Variants in SSBP3 observed in about 807,000 individuals in gnomAD.
The protein encoded by SSBP3 is single-stranded DNA-binding protein 3.
A neutral mutation model predicts 69.6 loss-of-function variants in SSBP3; 5 were observed. That is an observed-to-expected ratio of 0.07 (90% CI 0.04 to 0.15). The LOEUF is 0.15. SSBP3 is among the 10% of genes least tolerant of loss of function. SSBP3 has a pLI of 1.00. For synonymous variants in SSBP3, 196 were observed against 193.4 expected (o/e 1.01, Z -0.11); for missense variants, 312 against 534.0 (o/e 0.58, Z 4.10).
intron 4 of SSBP3, among the ~76,000 whole-genome samples, chr1:54,376,870 G>A (rs904425337): frequency 6.6e-6 from 1 of 152,198 alleles, no homozygotes; most frequent in Non-Finnish European, 1.5e-5. Flanking sequence ...GCCTAGGGGT[G>A]TGGCTACCAT....
At chr1:54,229,693 T>C (rs1319214494) in intron 14 of SSBP3, among the ~76,000 whole-genome samples, 1 of 152,132 alleles carries the variant, frequency 6.6e-6, no homozygotes, top group Non-Finnish European at 1.5e-5. Flanking sequence ...GAGGGGCGGC[T>C]GAGCCCAGCC....
At chr1:54,246,050 T>G (rs1644729064) in intron 9 of SSBP3, among the ~76,000 whole-genome samples, 1 of 152,130 alleles carries the variant, frequency 6.6e-6, no homozygotes. Flanking sequence ...GGCTCTGGCT[T>G]TAGACCCACA....
chr1:54,320,278 C>T (rs1157781462), intron 4 of SSBP3, among the ~76,000 whole-genome samples: 1 of 152,166 alleles, frequency 6.6e-6, no homozygotes, highest in Non-Finnish European at 1.5e-5. Context: ...CATCTGGCTT[C>T]AAAGAAGCCA....
chr1:54,270,118 T>C (rs1352047863), intron 5 of SSBP3, among the ~76,000 whole-genome samples: 1 of 152,188 alleles, frequency 6.6e-6, no homozygotes, highest in African/African-American at 2.4e-5. Context: ...CCACACACCT[T>C]ATGCTGGTAC....
In SSBP3 at chr1:54,247,999, G is replaced by A. The variant is rs1470970354; in HGVS notation, c.651+3617C>T. 3.9e-5 allele frequency among the ~76,000 whole-genome samples: 6 copies of A among 152,216 alleles called. No homozygotes were observed. In the South Asian group the frequency reaches 6.2e-4, roughly 16 times the overall value. On this transcript the variant is annotated intron_variant, in intron 9 of 17. Coordinates refer to ENST00000610401, the Ensembl canonical transcript of SSBP3. ...TGACAAAGGACAGGGTGATACCTGC[G>A]TTGCTGGTTCCTGTGAGACATTTAG...
intron 9 of SSBP3, among the ~76,000 whole-genome samples, chr1:54,245,764 A>G (rs1447958343): frequency 6.6e-6 from 1 of 152,240 alleles, no homozygotes; most frequent in Non-Finnish European, 1.5e-5. Context: ...ACTCTACCAC[A>G]GGGTGAAGAG....
At position 54,245,886 on chromosome 1, in the gene SSBP3, T is replaced by C. The variant is rs59850560; in HGVS notation, c.652-2587A>G. Among the ~76,000 whole-genome samples the C allele has an allele frequency of 9.4e-3, 1,425 of 152,336 alleles. 21 individuals carry two copies. Among genetic ancestry groups the C allele is most frequent in the African/African-American group, 0.032 (1,351 of 41,570 alleles). On this transcript the variant is annotated intron_variant, in intron 9 of 17. Coordinates refer to ENST00000610401, the Ensembl canonical transcript of SSBP3. ...CAATAGTGCTTATTCCATGCCCACATGTACCACAGACTGTGTGTGCACTGC... is the reference window on the plus strand; with the variant it reads ...CAATAGTGCTTATTCCATGCCCACACGTACCACAGACTGTGTGTGCACTGC...
chr1:54,243,185 T>C (rs1352795484), intron 10 of SSBP3, 50 bp downstream of exon 10: 2 of 1,564,812 alleles, frequency 1.3e-6, no homozygotes, highest in East Asian at 4.5e-5. Flanking sequence ...TGGCAGAGGG[T>C]GGGGGAAGAC....
chr1:54,228,865 C>T (rs1302513597), intron 14 of SSBP3, 39 bp from the exon 15 acceptor site: 2 of 1,590,988 alleles, frequency 1.3e-6, no homozygotes. Flanking sequence ...TCAGCGGGCC[C>T]TGGCCCTCTG....
chr1:54,410,025 G>C (rs1649950839), upstream of SSBP3, among the ~76,000 whole-genome samples: 1 of 152,152 alleles, frequency 6.6e-6, no homozygotes, highest in Non-Finnish European at 1.5e-5. Flanking sequence ...TGCCCTCTGT[G>C]TCCCCACTGC....
chr1:54,238,947 CCT>C (rs1031799699), intron 14 of SSBP3, 180 bp downstream of exon 14: 29 of 440,248 alleles, frequency 6.6e-5, no homozygotes, highest in Non-Finnish European at 1.1e-4. Flanking sequence ...TCTCCCACCC[CCT>C]GCCGCCCATG....
intron 9 of SSBP3, among the ~76,000 whole-genome samples, chr1:54,248,662 G>T (rs1229207640): frequency 1.3e-5 from 2 of 152,150 alleles, no homozygotes; most frequent in Non-Finnish European, 2.9e-5. Flanking sequence ...GAGCCCGTAG[G>T]TGACCACAGA....
chr1:54,385,413 A>T (rs563220305), intron 4 of SSBP3, among the ~76,000 whole-genome samples: 7 of 152,296 alleles, frequency 4.6e-5, no homozygotes, highest in African/African-American at 1.2e-4. Flanking sequence ...CAAATCTATC[A>T]GTGGGGAAGC....
At chr1:54,315,827 GA>G (rs1646087006) in intron 4 of SSBP3, among the ~76,000 whole-genome samples, 1 of 151,792 alleles carries the variant, frequency 6.6e-6, no homozygotes, top group African/African-American at 2.4e-5. Context: ...ATGCCCAGCT[GA>G]TTTTTTTTTC....
chr1:54,227,403 AGGCAGCTGAC>A (rs1316175968), intron 17 of SSBP3, among the ~76,000 whole-genome samples: 1 of 152,094 alleles, frequency 6.6e-6, no homozygotes, highest in African/African-American at 2.4e-5. Context: ...TTGGGAACTA[AGGCAGCTGAC>A]GGCGCCTCCC....
rs574534121 is a variant in SSBP3 at position 54,298,414 on chromosome 1, C to T, written c.277-16887G>A. On this transcript the variant is annotated intron_variant, in intron 4 of 17. Transcript: ENST00000610401. ...AAGGGTGTGGTACCAGACCTGCCTA[C>T]TCCCACCACTCTGGGGAGCCAGTGC... Among the ~76,000 whole-genome samples, 106 of 152,270 alleles carry T rather than the reference C, an allele frequency of 7.0e-4. No homozygotes were observed. In the Middle Eastern group the frequency reaches 0.014, roughly 20 times the overall value.
chr1:54,290,935 A>G (rs1403295576), intron 4 of SSBP3, among the ~76,000 whole-genome samples: 4 of 152,140 alleles, frequency 2.6e-5, no homozygotes, highest in East Asian at 3.9e-4. Flanking sequence ...ACACACACAC[A>G]CGCACACACA....
intron 4 of SSBP3, among the ~76,000 whole-genome samples, chr1:54,395,707 C>T (rs1254512487): frequency 2.6e-5 from 4 of 152,110 alleles, no homozygotes; most frequent in African/African-American, 4.8e-5. Context: ...CTGAGGCTCC[C>T]GGCCAGGAAA....
At chr1:54,321,730 A>G (rs1646217294) in intron 4 of SSBP3, among the ~76,000 whole-genome samples, 1 of 152,224 alleles carries the variant, frequency 6.6e-6, no homozygotes, top group Admixed American at 6.5e-5. Flanking sequence ...AGCATCACTC[A>G]CGCAAACATA....
Sources: allele counts gnomAD v4.1 joint callset (sites outside exome capture counted in the v4.1 genomes callset), GRCh38; gene constraint gnomAD v4.1.1; transcripts MANE v1.5; gene names NCBI Gene and HGNC (gene_info 2026-07-23, HGNC 2026-07-21).